Variants in COL25A1 observed in about 807,000 individuals in gnomAD.
COL25A1 encodes collagen type XXV alpha 1 chain, also known as collagen alpha-1(XXV) chain.
COL25A1 carries 103 observed loss-of-function variants against 128.4 expected under a neutral mutation model. The ratio of observed to expected loss-of-function variants is 0.80; its 90% confidence interval spans 0.68 to 0.94. The LOEUF (loss-of-function observed/expected upper bound fraction) is 0.94. COL25A1 is among the 40% of genes least tolerant of loss of function. The pLI is 0.00. For missense variants in COL25A1, 745 were observed against 840.0 expected (o/e 0.89, Z 1.40); for synonymous variants, 279 against 277.2 (o/e 1.01, Z -0.06).
chr4:108,817,737 A>T (rs1731383443), intron 36 of COL25A1, among the ~76,000 whole-genome samples: 1 of 152,236 alleles, frequency 6.6e-6, no homozygotes, highest in African/African-American at 2.4e-5. Context: ...ATTTTTAGAT[A>T]ATAAATCTAT....
At chr4:109,108,717 G>A (rs2126034400) in intron 3 of COL25A1, among the ~76,000 whole-genome samples, 2 of 151,818 alleles carry the variant, frequency 1.3e-5, no homozygotes, top group East Asian at 3.9e-4. Flanking sequence ...CTTCATTAAG[G>A]TGATTTTTAA....
rs188682107 is a variant in COL25A1 at position 108,895,496 on chromosome 4, A to G, written c.906+1171T>C. ...TAAAGTATGAATCCAAGCAAAAGCT[A>G]TCACGATAGACTGAGGAAAAATAAG... is the stretch of plus-strand genomic sequence containing the variant. On this transcript the variant is annotated intron_variant, in intron 16 of 37. Transcript: ENST00000399132. Among the ~76,000 whole-genome samples, 612 of 152,314 alleles carry G rather than the reference A, an allele frequency of 4.0e-3. 3 individuals carry two copies. Among genetic ancestry groups the G allele is most frequent in the Non-Finnish European group, 6.6e-3 (446 of 68,028 alleles).
chr4:109,200,105 C>T (rs1306396948), intron 3 of COL25A1, among the ~76,000 whole-genome samples: 1 of 152,174 alleles, frequency 6.6e-6, no homozygotes, highest in African/African-American at 2.4e-5. Flanking sequence ...ACATTGTTGG[C>T]TTATTTTCAG....
At chr4:108,895,720 T>C (rs1452759567) in intron 16 of COL25A1, among the ~76,000 whole-genome samples, 1 of 152,080 alleles carries the variant, frequency 6.6e-6, no homozygotes, top group Non-Finnish European at 1.5e-5. Context: ...AACTTTTCTT[T>C]TTAAAATTAT....
At chr4:109,166,540 ACT>A (rs1222563671) in intron 3 of COL25A1, among the ~76,000 whole-genome samples, 3 of 152,104 alleles carry the variant, frequency 2.0e-5, no homozygotes, top group Non-Finnish European at 1.5e-5. Flanking sequence ...ATCTACTGTG[ACT>A]CTACTGTATT....
intron 5 of COL25A1, among the ~76,000 whole-genome samples, chr4:109,014,953 T>C (rs1326697339): frequency 6.6e-6 from 1 of 152,200 alleles, no homozygotes. Flanking sequence ...GATGTAACAA[T>C]CGACACCTAA....
intron 3 of COL25A1, among the ~76,000 whole-genome samples, chr4:109,082,789 C>T (rs926278808): frequency 6.6e-6 from 1 of 151,758 alleles, no homozygotes; most frequent in Non-Finnish European, 1.5e-5. Flanking sequence ...ATTTTAGGTT[C>T]GTGGTTACAT....
At chr4:109,006,572 T>C (rs779290930) in intron 6 of COL25A1, among the ~76,000 whole-genome samples, 1 of 151,850 alleles carries the variant, frequency 6.6e-6, no homozygotes, top group Non-Finnish European at 1.5e-5. Flanking sequence ...TATTACTTAT[T>C]AATACACTGC....
chr4:108,824,792 A>G (rs1477007010), intron 34 of COL25A1, among the ~76,000 whole-genome samples: 3 of 152,186 alleles, frequency 2.0e-5, no homozygotes, highest in Non-Finnish European at 4.4e-5. Flanking sequence ...ATATATAGGG[A>G]CTAAATGTTA....
chr4:108,839,691 T>G (rs1282335292), intron 31 of COL25A1, among the ~76,000 whole-genome samples: 1 of 152,218 alleles, frequency 6.6e-6, no homozygotes, highest in African/African-American at 2.4e-5. Flanking sequence ...GGCCTGAAGT[T>G]TATCATCTAT....
intron 31 of COL25A1, among the ~76,000 whole-genome samples, chr4:108,840,467 T>A (rs907527487): frequency 1.3e-5 from 2 of 151,958 alleles, no homozygotes; most frequent in Non-Finnish European, 2.9e-5. Context: ...CTAAGAAGAA[T>A]AAAGAGGCAT....
intron 3 of COL25A1, among the ~76,000 whole-genome samples, chr4:109,249,976 T>G (rs2126241540): frequency 6.6e-6 from 1 of 152,286 alleles, no homozygotes; most frequent in African/African-American, 2.4e-5. Flanking sequence ...CTACACTGAC[T>G]AAGTAAATGA....
At chr4:108,850,384 C>T (rs1483735877) in intron 26 of COL25A1, among the ~76,000 whole-genome samples, 5 of 152,030 alleles carry the variant, frequency 3.3e-5, no homozygotes, top group Non-Finnish European at 7.4e-5. Flanking sequence ...CCCCAATTAT[C>T]CCAACCTTCT....
chr4:108,822,931 C>T (rs975770145), intron 35 of COL25A1, among the ~76,000 whole-genome samples: 1 of 152,104 alleles, frequency 6.6e-6, no homozygotes, highest in African/African-American at 2.4e-5. Flanking sequence ...ATGTATAGCT[C>T]TTGGGAAAGC....
chr4:109,172,307 CAGATACAAAA>C (rs1773660687), intron 3 of COL25A1, among the ~76,000 whole-genome samples: 2 of 151,998 alleles, frequency 1.3e-5, no homozygotes, highest in African/African-American at 4.8e-5. Context: ...TTTAACCAAG[CAGATACAAAA>C]AATGCGATAA....
At chr4:109,100,252 G>A (rs973862246) in intron 3 of COL25A1, among the ~76,000 whole-genome samples, 6 of 152,074 alleles carry the variant, frequency 3.9e-5, no homozygotes, top group African/African-American at 1.2e-4. Flanking sequence ...TTTCAGCAAC[G>A]AAGAATCATT....
chr4:108,987,541 A>AT (rs1352054642), intron 6 of COL25A1, among the ~76,000 whole-genome samples: 1 of 151,760 alleles, frequency 6.6e-6, no homozygotes, highest in African/African-American at 2.4e-5. Flanking sequence ...TGCCTGGCTA[A>AT]TTTTTTGTAT....
At chr4:109,194,288 C>T (rs749271567) in intron 3 of COL25A1, among the ~76,000 whole-genome samples, 7 of 152,128 alleles carry the variant, frequency 4.6e-5, no homozygotes, top group Non-Finnish European at 7.3e-5. Context: ...CTTTTCAGGT[C>T]AGAGGTTACT....
intron 3 of COL25A1, among the ~76,000 whole-genome samples, chr4:109,209,443 A>T (rs1488003592): frequency 6.6e-6 from 1 of 152,178 alleles, no homozygotes; most frequent in Non-Finnish European, 1.5e-5. Flanking sequence ...CTCAATAAAA[A>T]TACAGGCAAC....
Sources: allele counts gnomAD v4.1 joint callset (sites outside exome capture counted in the v4.1 genomes callset), GRCh38; gene constraint gnomAD v4.1.1; transcripts MANE v1.5; gene names NCBI Gene and HGNC (gene_info 2026-07-23, HGNC 2026-07-21).